Variants in UGT1A4 observed in about 807,000 individuals in gnomAD.
UGT1A4 encodes the protein UDP-glucuronosyltransferase 1A4.
A neutral mutation model predicts 41.1 loss-of-function variants in UGT1A4; 32 were observed. That is an observed-to-expected ratio of 0.78 (90% CI 0.59 to 1.05). The LOEUF is 1.05. Among genes scored for constraint, UGT1A4 ranks in the 50% least tolerant of loss-of-function variants. The probability of loss-of-function intolerance (pLI) is 0.00; values close to 1 mark genes in which losing one functional copy is unlikely to be tolerated. For synonymous variants in UGT1A4, 283 were observed against 265.1 expected (o/e 1.07, Z -0.66); for missense variants, 748 against 677.4 (o/e 1.10, Z -1.16).
At chr2:233,756,614 T>C (rs978971075) in intron 1 of UGT1A4, among the ~76,000 whole-genome samples, 2 of 152,204 alleles carry the variant, frequency 1.3e-5, no homozygotes, top group African/African-American at 4.8e-5. Context: ...CCATTAAGAC[T>C]TGCAGGCCGT....
chr2:233,750,998 C>T (rs1414684238), intron 1 of UGT1A4, among the ~76,000 whole-genome samples: 1 of 151,782 alleles, frequency 6.6e-6, no homozygotes, highest in African/African-American at 2.4e-5. Context: ...GGCCACCATC[C>T]TCCAGAATCC....
chr2:233,753,949 C>T (rs1032633055), intron 1 of UGT1A4, among the ~76,000 whole-genome samples: 3 of 152,164 alleles, frequency 2.0e-5, no homozygotes, highest in African/African-American at 7.2e-5. Context: ...GTATGACCTC[C>T]AAAATATTAA....
intron 1 of UGT1A4, among the ~76,000 whole-genome samples, chr2:233,724,260 C>G (rs1481062069): frequency 7.7e-6 from 1 of 129,912 alleles, no homozygotes; most frequent in African/African-American, 3.0e-5. Flanking sequence ...CCTCACCTCC[C>G]GGACGGGGCG....
intron 1 of UGT1A4, among the ~76,000 whole-genome samples, chr2:233,739,663 T>C (rs1172475020): frequency 6.6e-6 from 1 of 152,246 alleles, no homozygotes; most frequent in Non-Finnish European, 1.5e-5. Context: ...ACCCCCATTG[T>C]GTCTTGGAAG....
intron 1 of UGT1A4, among the ~76,000 whole-genome samples, chr2:233,721,326 T>G (rs2076937613): frequency 6.6e-6 from 1 of 152,254 alleles, no homozygotes; most frequent in East Asian, 1.9e-4. Context: ...TTTCTTGTGG[T>G]TTTTCACTAT....
Position 233,772,266 on chromosome 2 carries a change from AAGG to A in UGT1A4, c.1315_1317del (p.Glu439del). ...CGAAACTGTCTTTGTGTTTAGTTAC[AAGG>A]AGAACATCATGCGCCTCTCCAGCCT... is the stretch of plus-strand genomic sequence containing the variant. On this transcript the variant is annotated inframe_deletion, in exon 5 of 5. Coordinates refer to ENST00000373409, the MANE Select transcript of UGT1A4 (RefSeq NM_007120.3). 1 of 1,614,262 alleles carries A rather than the reference AAGG, an allele frequency of 6.2e-7. No homozygotes were observed. The highest frequency in any genetic ancestry group is 8.5e-7 in the Non-Finnish European group (1 of 1,180,048).
chr2:233,731,462 C>T (rs1354411631), intron 1 of UGT1A4, among the ~76,000 whole-genome samples: 13 of 152,008 alleles, frequency 8.6e-5, no homozygotes, highest in African/African-American at 2.4e-4. Context: ...CAGGCCCTGG[C>T]GTGTGATGTT....
intron 1 of UGT1A4, among the ~76,000 whole-genome samples, chr2:233,763,089 A>C (rs1698233437): frequency 6.6e-6 from 1 of 152,238 alleles, no homozygotes; most frequent in South Asian, 2.1e-4. Flanking sequence ...GGATGTTTGT[A>C]GGAGAGGCAC....
At chr2:233,749,855 C>G (rs1694286489) in intron 1 of UGT1A4, among the ~76,000 whole-genome samples, 1 of 151,986 alleles carries the variant, frequency 6.6e-6, no homozygotes, top group Non-Finnish European at 1.5e-5. Flanking sequence ...GCCTCTCTCT[C>G]ACTTTCTGCC....
At chr2:233,751,192 T>A (rs984172323) in intron 1 of UGT1A4, among the ~76,000 whole-genome samples, 4 of 151,858 alleles carry the variant, frequency 2.6e-5, no homozygotes, top group African/African-American at 9.7e-5. Context: ...AAGTTAAAGG[T>A]GATAATTTTG....
Position 233,761,080 on chromosome 2 carries a change from C to T in UGT1A4, c.868-5954C>T, listed in dbSNP as rs760907397. On this transcript the variant is annotated intron_variant, in intron 1 of 4. Transcript: ENST00000373409. ...TAGAAGTGACTTTGTGAAGGATTAC[C>T]CTAGGCCCATCATGCCCAATATGGT... The T allele has an allele frequency of 5.0e-6, 8 of 1,614,034 alleles. No individual in the cohort carries two copies. The highest frequency in any genetic ancestry group is 1.3e-5 in the African/African-American group (1 of 74,910).
intron 4 of UGT1A4, chr2:233,771,032 G>A (rs560864303): frequency 1.4e-4 from 22 of 152,232 alleles, no homozygotes; most frequent in African/African-American, 4.8e-4. Flanking sequence ...AGTTGGGGGG[G>A]AAGGTGCCAC....
chr2:233,738,593 G>A (rs971554241), intron 1 of UGT1A4, among the ~76,000 whole-genome samples: 1 of 152,204 alleles, frequency 6.6e-6, no homozygotes, highest in Non-Finnish European at 1.5e-5. Context: ...GGTCACTCTT[G>A]CTAAGCTTTA....
intron 1 of UGT1A4, among the ~76,000 whole-genome samples, chr2:233,741,289 C>T (rs1426426367): frequency 2.6e-5 from 4 of 151,770 alleles, no homozygotes; most frequent in African/African-American, 7.3e-5. Context: ...GATTTATGTA[C>T]CCAATTGTGT....
chr2:233,730,167 A>T (rs999058879), intron 1 of UGT1A4, among the ~76,000 whole-genome samples: 1 of 152,206 alleles, frequency 6.6e-6, no homozygotes, highest in African/African-American at 2.4e-5. Flanking sequence ...CTAGTAGCGT[A>T]TTTCAGGTTT....
At chr2:233,726,933 A>AT (rs1312634062) in intron 1 of UGT1A4, among the ~76,000 whole-genome samples, 1 of 151,726 alleles carries the variant, frequency 6.6e-6, no homozygotes, top group Non-Finnish European at 1.5e-5. Flanking sequence ...TCCTTTTTTC[A>AT]TTTTTAAAAA....
intron 1 of UGT1A4, chr2:233,729,148 C>A: frequency 6.2e-7 from 1 of 1,613,474 alleles, no homozygotes; most frequent in Non-Finnish European, 8.5e-7. Flanking sequence ...ACTCCAGGTT[C>A]CCCTGCCGTG....
In UGT1A4 at chr2:233,769,769, T is replaced by A. The variant is rs979940706; in HGVS notation, c.1307+1330T>A. 1.4e-6 allele frequency: 2 copies of A among 1,395,436 alleles called. No individual in the cohort carries two copies. Among genetic ancestry groups the A allele is most frequent in the Non-Finnish European group, 1.9e-6 (2 of 1,067,626 alleles). The allele number at this position is 1,395,436 out of a possible 1,614,324, so 86.4% of individuals were successfully genotyped here. ...ACTCTGGAGGCTAAGGCGGGAGGAT[T>A]GCTTGAGCCCAGAAGTTGGAGGCTG... is the stretch of plus-strand genomic sequence containing the variant. On this transcript the variant is annotated intron_variant, in intron 4 of 4. Transcript: ENST00000373409. This position sits in a 1 kb window ranked among gnomAD's most constrained non-coding sequence, Gnocchi z 4.4.
intron 1 of UGT1A4, among the ~76,000 whole-genome samples, 200 bp downstream of exon 1, chr2:233,719,887 G>C (rs2076812718): frequency 6.6e-6 from 1 of 152,130 alleles, no homozygotes; most frequent in Non-Finnish European, 1.5e-5. Flanking sequence ...CACGGATGAG[G>C]GTCTGTCAGA....
Sources: gnomAD v4.1 joint callset for allele counts (sites outside exome capture counted in the v4.1 genomes callset) on GRCh38, gnomAD v4.1.1 for gene constraint, Gnocchi (gnomAD v3.1) non-coding constraint, MANE v1.5 for transcripts, NCBI Gene and HGNC (gene_info 2026-07-23, HGNC 2026-07-21) for gene names.